Variants in MAF observed in about 807,000 individuals in gnomAD.
The protein encoded by MAF is MAF bZIP transcription factor.
In MAF, 10 loss-of-function variants were observed where a neutral mutation model predicts 22.0. That is an observed-to-expected ratio of 0.45 (90% CI 0.28 to 0.77). The LOEUF (loss-of-function observed/expected upper bound fraction) is 0.77, where lower values mean the gene tolerates loss of function less well. Among genes scored for constraint, MAF ranks in the 30% least tolerant of loss-of-function variants. The probability of loss-of-function intolerance (pLI) is 0.12; values close to 1 mark genes in which losing one functional copy is unlikely to be tolerated. For synonymous variants in MAF, 337 were observed against 255.8 expected (o/e 1.32, Z -3.03); for missense variants, 544 against 548.4 (o/e 0.99, Z 0.08).
chr16:79,274,349 T>C, the MAF span, among the ~76,000 whole-genome samples: 1 of 151,842 alleles, frequency 6.6e-6, no homozygotes, highest in Non-Finnish European at 1.5e-5. Flanking sequence ...ACTCAGACAC[T>C]AGTCAAAAAT....
the MAF span, among the ~76,000 whole-genome samples, chr16:79,463,625 C>A: frequency 6.6e-6 from 1 of 152,164 alleles, no homozygotes; most frequent in Non-Finnish European, 1.5e-5. Context: ...TAGGTCAAGT[C>A]AAACCCTGCT....
the MAF span, among the ~76,000 whole-genome samples, chr16:79,290,606 C>T: frequency 6.6e-6 from 1 of 152,070 alleles, no homozygotes; most frequent in Admixed American, 6.5e-5. Flanking sequence ...GTAAAAGTCA[C>T]AAGATTTGGG....
chr16:79,590,141 T>G (rs1285730823), downstream of MAF, among the ~76,000 whole-genome samples: 1 of 151,804 alleles, frequency 6.6e-6, no homozygotes, highest in South Asian at 2.1e-4. Flanking sequence ...CCAGGGCTAT[T>G]GGGCCCCGCA....
At chr16:79,578,770 T>C in the MAF span, among the ~76,000 whole-genome samples, 1 of 152,180 alleles carries the variant, frequency 6.6e-6, no homozygotes, top group Non-Finnish European at 1.5e-5. Context: ...AAAAATTAAT[T>C]AAACACACTA....
At chr16:79,234,986 A>G in the MAF span, among the ~76,000 whole-genome samples, 1 of 152,152 alleles carries the variant, frequency 6.6e-6, no homozygotes, top group Non-Finnish European at 1.5e-5. Context: ...CAAGGAAGAC[A>G]GAGACACATC....
At chr16:79,550,864 T>A in the MAF span, among the ~76,000 whole-genome samples, 2 of 152,118 alleles carry the variant, frequency 1.3e-5, no homozygotes, top group African/African-American at 2.4e-5. Context: ...CCAGGGAGAT[T>A]GGCACAGATG....
At chr16:79,202,710 C>T in the MAF span, 1 of 152,094 alleles carries the variant, frequency 6.6e-6, no homozygotes, top group African/African-American at 2.4e-5. Context: ...CAAGTACATG[C>T]CTTCATATTA....
chr16:79,392,475 A>C, the MAF span, among the ~76,000 whole-genome samples: 1 of 144,298 alleles, frequency 6.9e-6, no homozygotes, highest in African/African-American at 2.6e-5. Context: ...TGATGAGAGA[A>C]GGAGGGATGG....
At chr16:79,210,457 C>T in the MAF span, among the ~76,000 whole-genome samples, 1 of 152,138 alleles carries the variant, frequency 6.6e-6, no homozygotes, top group Non-Finnish European at 1.5e-5. Flanking sequence ...AAATGATAAG[C>T]TTTGGGTCGG....
the MAF span, among the ~76,000 whole-genome samples, chr16:79,451,111 G>C: frequency 6.6e-6 from 1 of 152,154 alleles, no homozygotes; most frequent in Admixed American, 6.6e-5. Context: ...CCAGAAACCT[G>C]AAAGGAATAA....
At chr16:79,271,565 G>A in the MAF span, among the ~76,000 whole-genome samples, 2 of 152,128 alleles carry the variant, frequency 1.3e-5, no homozygotes, top group Non-Finnish European at 2.9e-5. Flanking sequence ...GGTAATTCAA[G>A]CATTAAAATA....
At chr16:79,437,144 CTCTGTGTGTG>C in the MAF span, among the ~76,000 whole-genome samples, 1 of 84,904 alleles carries the variant, frequency 1.2e-5, no homozygotes. Context: ...CTCTCTCTCT[CTCTGTGTGTG>C]TGTGTGTGTG....
the MAF span, among the ~76,000 whole-genome samples, chr16:79,550,902 C>T: frequency 6.6e-6 from 1 of 152,126 alleles, no homozygotes; most frequent in Non-Finnish European, 1.5e-5. Context: ...CCAGACTGAG[C>T]TCTCCCCCAG....
chr16:79,357,148 T>C, the MAF span, among the ~76,000 whole-genome samples: 255 of 152,110 alleles, frequency 1.7e-3, 2 homozygotes, highest in African/African-American at 6.0e-3. Context: ...CCCAGCTATT[T>C]GGGAGGCTGA....
the MAF span, among the ~76,000 whole-genome samples, chr16:79,279,111 A>G: frequency 6.6e-6 from 1 of 152,108 alleles, no homozygotes; most frequent in Admixed American, 6.6e-5. Flanking sequence ...TGTCATCAAC[A>G]TTTTATAGAC....
the MAF span, among the ~76,000 whole-genome samples, chr16:79,208,908 C>A: frequency 6.6e-6 from 1 of 152,070 alleles, no homozygotes; most frequent in Non-Finnish European, 1.5e-5. Context: ...GCTTAATTGT[C>A]CAGCAAGGGA....
the MAF span, among the ~76,000 whole-genome samples, chr16:79,473,498 TA>T: frequency 1.3e-5 from 2 of 151,972 alleles, no homozygotes; most frequent in East Asian, 1.9e-4. Flanking sequence ...GGGAAAACCA[TA>T]AAAAATGCAC....
At chr16:79,463,548 T>C in the MAF span, among the ~76,000 whole-genome samples, 1 of 152,182 alleles carries the variant, frequency 6.6e-6, no homozygotes. Context: ...GTCCTGAGTA[T>C]ATTTTGGAAA....
At chr16:79,369,411 G>A in the MAF span, among the ~76,000 whole-genome samples, 39 of 152,266 alleles carry the variant, frequency 2.6e-4, no homozygotes, top group African/African-American at 9.1e-4. Flanking sequence ...GACACTATCT[G>A]CTATGTTTAG....
Sources: gnomAD v4.1 joint callset for allele counts (sites outside exome capture counted in the v4.1 genomes callset) on GRCh38, gnomAD v4.1.1 for gene constraint, MANE v1.5 for transcripts, NCBI Gene and HGNC (gene_info 2026-07-23, HGNC 2026-07-21) for gene names.